The following AFG1L variants were observed in gnomAD, a reference collection of about 807,000 sequenced individuals.
AFG1L encodes AFG1 like ATPase.
A neutral mutation model predicts 62.2 loss-of-function variants in AFG1L; 53 were observed. The ratio of observed to expected loss-of-function variants is 0.85; its 90% CI spans 0.68 to 1.07. AFG1L has a LOEUF of 1.07. AFG1L is among the 50% of genes least tolerant of loss of function. The pLI is 0.00. For missense variants in AFG1L, 555 were observed against 590.5 expected (o/e 0.94, Z 0.62); for synonymous variants, 228 against 210.3 (o/e 1.08, Z -0.73).
At chr6:108,343,004 T>C (rs1778735361) in intron 2 of AFG1L, among the ~76,000 whole-genome samples, 1 of 151,910 alleles carries the variant, frequency 6.6e-6, no homozygotes, top group African/African-American at 2.4e-5. Flanking sequence ...AAGTGCTCTT[T>C]ATAAAATATA....
chr6:108,451,399 T>C (rs1166113397), intron 8 of AFG1L, among the ~76,000 whole-genome samples: 1 of 152,202 alleles, frequency 6.6e-6, no homozygotes, highest in Non-Finnish European at 1.5e-5. Context: ...ATTTCTGTAG[T>C]TCATAATATT....
chr6:108,430,924 C>G (rs1771042195), intron 7 of AFG1L, among the ~76,000 whole-genome samples: 1 of 152,042 alleles, frequency 6.6e-6, no homozygotes, highest in Non-Finnish European at 1.5e-5. Flanking sequence ...ACTCCCATGC[C>G]AAATAATTTG....
chr6:108,464,366 C>G (rs568719700), intron 8 of AFG1L, among the ~76,000 whole-genome samples: 1 of 152,196 alleles, frequency 6.6e-6, no homozygotes, highest in South Asian at 2.1e-4. Flanking sequence ...TGTTGAATGC[C>G]TGATTTTAGC....
At position 108,356,847 on chromosome 6, in the gene AFG1L, A is replaced by G. The variant is rs201877608; in HGVS notation, c.648+27A>G. 183 of 1,578,150 alleles carry G rather than the reference A, an allele frequency of 1.2e-4. 1 individual carries two copies. The East Asian group carries it at 4.0e-3, about 34-fold the overall frequency. On this transcript the variant is annotated intron_variant, in intron 5 of 12. Transcript: ENST00000368977. ...TAAAGTAGAGATTTTTCATAGATAT[A>G]GAATGGTATATTGAATGAGGTATGA...
intron 10 of AFG1L, among the ~76,000 whole-genome samples, chr6:108,494,615 A>G (rs1356065596): frequency 6.6e-6 from 1 of 152,034 alleles, no homozygotes; most frequent in East Asian, 1.9e-4. Flanking sequence ...AGAATTGGTG[A>G]TATTTTCTAG....
In AFG1L at chr6:108,470,537, G is replaced by A. The variant is rs528670713; in HGVS notation, c.891-6328G>A. On this transcript the variant is annotated intron_variant, in intron 8 of 12. Transcript: ENST00000368977. Reference sequence around the variant, plus strand: ...TAACCATCAACTTTGTGCCTTAATTGTAATTCTAGGACAAGAGGGAAATAT... The same window carrying A: ...TAACCATCAACTTTGTGCCTTAATTATAATTCTAGGACAAGAGGGAAATAT... Among the ~76,000 whole-genome samples the A allele has an allele frequency of 2.6e-5, 4 of 151,986 alleles. No homozygotes were observed. In the East Asian group the frequency reaches 5.8e-4, roughly 22 times the overall value.
At chr6:108,502,348 G>A (rs148044299) in intron 10 of AFG1L, among the ~76,000 whole-genome samples, 5,330 of 152,270 alleles carry the variant, frequency 0.035, 305 homozygotes, top group African/African-American at 0.12. Context: ...TGGGATTACA[G>A]ACATGTGCCA....
intron 1 of AFG1L, among the ~76,000 whole-genome samples, chr6:108,301,739 A>G (rs1777009400): frequency 6.6e-6 from 1 of 152,196 alleles, no homozygotes; most frequent in Admixed American, 6.6e-5. Context: ...GCTTTCCATG[A>G]ACGGGGCAAC....
At chr6:108,460,222 G>A (rs1772400845) in intron 8 of AFG1L, among the ~76,000 whole-genome samples, 2 of 151,036 alleles carry the variant, frequency 1.3e-5, no homozygotes, top group Admixed American at 1.3e-4. Context: ...AATTTTAAAT[G>A]ACATAAATCA....
At chr6:108,469,058 G>A (rs1056561303) in intron 8 of AFG1L, among the ~76,000 whole-genome samples, 4 of 151,894 alleles carry the variant, frequency 2.6e-5, no homozygotes, top group African/African-American at 7.3e-5. Flanking sequence ...GAAATACTTG[G>A]TTGTCCATTC....
At chr6:108,511,260 GCT>G (rs1049486656) in intron 11 of AFG1L, among the ~76,000 whole-genome samples, 1 of 151,986 alleles carries the variant, frequency 6.6e-6, no homozygotes, top group East Asian at 1.9e-4. Context: ...GAATATTGAA[GCT>G]CTCTCTCTCC....
intron 1 of AFG1L, among the ~76,000 whole-genome samples, chr6:108,296,382 A>G (rs1352741884): frequency 6.6e-6 from 1 of 152,180 alleles, no homozygotes; most frequent in African/African-American, 2.4e-5. Context: ...ATAAAAGCAA[A>G]TGCTATAAAT....
chr6:108,336,918 A>T (rs968816442), intron 2 of AFG1L, among the ~76,000 whole-genome samples: 1 of 152,228 alleles, frequency 6.6e-6, no homozygotes, highest in African/African-American at 2.4e-5. Context: ...CTGCATAACT[A>T]TATTATCATC....
At chr6:108,419,167 T>A (rs1352902805) in intron 7 of AFG1L, among the ~76,000 whole-genome samples, 2 of 152,194 alleles carry the variant, frequency 1.3e-5, no homozygotes, top group African/African-American at 4.8e-5. Flanking sequence ...TTTTTATGAT[T>A]TTCTTAATCA....
At chr6:108,394,524 T>TA (rs2114605849) in intron 6 of AFG1L, among the ~76,000 whole-genome samples, 1 of 152,364 alleles carries the variant, frequency 6.6e-6, no homozygotes, top group East Asian at 1.9e-4. Flanking sequence ...TTTCTGTTGC[T>TA]ATAGATTTGT....
chr6:108,334,254 A>T (rs2114358568), intron 2 of AFG1L, among the ~76,000 whole-genome samples: 1 of 152,208 alleles, frequency 6.6e-6, no homozygotes, highest in Non-Finnish European at 1.5e-5. Flanking sequence ...TGATTGCCAC[A>T]TCAGCCTCCC....
chr6:108,477,206 A>T lies in AFG1L; in HGVS notation c.976A>T (p.Ile326Phe). The change falls in exon 10 of 13, where the codon ATT becomes TTT. Residue 326 changes from isoleucine (I) to phenylalanine (F), a missense_variant. Transcript: ENST00000368977. ...QKQNDLTRPR[I>F]LKVQGRELRL... is the part of the protein sequence containing the mutation. The stretch of plus-strand genomic sequence containing the variant: ...TGTTCCCATAGTAACTAGACCAAGG[A>T]TTCTAAAAGTGCAAGGCAGAGAGCT... 1 of 1,598,078 alleles carries T rather than the reference A, an allele frequency of 6.3e-7. No individual in the cohort carries two copies. Among genetic ancestry groups the T allele is most frequent in the South Asian group, 1.1e-5 (1 of 89,154 alleles).
chr6:108,390,710 T>C (rs548883312), intron 6 of AFG1L, among the ~76,000 whole-genome samples: 2 of 152,344 alleles, frequency 1.3e-5, no homozygotes, highest in South Asian at 2.1e-4. Context: ...TGTTGCTGCA[T>C]GATCATTCCT....
intron 2 of AFG1L, among the ~76,000 whole-genome samples, chr6:108,332,795 TGTG>T (rs1778325374): frequency 6.6e-6 from 1 of 152,022 alleles, no homozygotes; most frequent in Non-Finnish European, 1.5e-5. Context: ...TTTGTAGAGA[TGTG>T]GTCTCACCAT....
Sources: gnomAD v4.1 joint callset for allele counts (sites outside exome capture counted in the v4.1 genomes callset) on GRCh38, gnomAD v4.1.1 for gene constraint, MANE v1.5 for transcripts, NCBI Gene and HGNC (gene_info 2026-07-23, HGNC 2026-07-21) for gene names.